The following PON2 variants were observed in gnomAD, a reference collection of about 807,000 sequenced individuals.
The protein encoded by PON2 is serum paraoxonase/arylesterase 2.
A neutral mutation model predicts 36.6 loss-of-function variants in PON2; 27 were observed. The ratio of observed to expected loss-of-function variants is 0.74; its 90% confidence interval spans 0.54 to 1.02. PON2 has a LOEUF of 1.02. PON2 is among the 50% of genes least tolerant of loss of function. The pLI is 0.00. For synonymous variants in PON2, 149 were observed against 156.3 expected (o/e 0.95, Z 0.35); for missense variants, 363 against 421.1 (o/e 0.86, Z 1.21).
chr7:95,405,392 C>G lies in PON2; in HGVS notation c.1003G>C (p.Val335Leu). Residue 335 changes from valine to leucine, a missense_variant, in exon 9 of 9, where the codon GTG becomes CTG. Physicochemically the swap from Val to Leu is conservative, Grantham distance 32. Transcript: ENST00000222572. ...SVLQGSSVASVYDGKLLIGTL... is the reference protein window; with the variant it reads ...SVLQGSSVASLYDGKLLIGTL... The stretch of plus-strand genomic sequence containing the variant: ...CCTATGAGCAGCTTCCCATCATACA[C>G]TGAGGCTACAGAACTTCCTTGGAGA... The G allele has an allele frequency of 6.2e-7, 1 of 1,613,984 alleles. No individual in the cohort carries two copies. Among genetic ancestry groups the G allele is most frequent in the South Asian group, 1.1e-5 (1 of 91,082 alleles).
chr7:95,434,971 C>G lies in PON2; in HGVS notation c.-20G>C, dbSNP rs560408024. On this transcript the variant is annotated 5_prime_UTR_variant, in exon 1 of 9. Coordinates refer to ENST00000222572, the MANE Select transcript of PON2 (RefSeq NM_000305.3). ...CCCCATGGCGCGGGAGCCGGGCGCG[C>G]TGCCTCGCTCCGGCCTGGCCAGCAG... 6.6e-7 allele frequency: 1 copy of G among 1,519,546 alleles called. No individual in the cohort carries two copies. The highest frequency in any genetic ancestry group is 2.6e-5 in the East Asian group (1 of 38,540). The allele number at this position is 1,519,546 out of a possible 1,614,324, so 94.1% of individuals were successfully genotyped here.
At chr7:95,423,992 G>A (rs540626536) in intron 2 of PON2, among the ~76,000 whole-genome samples, 1 of 152,278 alleles carries the variant, frequency 6.6e-6, no homozygotes, top group South Asian at 2.1e-4. Flanking sequence ...ATGATTCAAT[G>A]ACCTCTCACT....
intron 2 of PON2, among the ~76,000 whole-genome samples, chr7:95,420,561 T>A (rs2116486683): frequency 6.6e-6 from 1 of 152,318 alleles, no homozygotes; most frequent in South Asian, 2.1e-4. Context: ...ATAACTATGA[T>A]TTATTAAAGC....
chr7:95,408,788 T>C (rs528270908), intron 6 of PON2, among the ~76,000 whole-genome samples: 1 of 152,348 alleles, frequency 6.6e-6, no homozygotes, highest in East Asian at 1.9e-4. Context: ...TCTTCTCTTA[T>C]AGGTTGTGGT....
At chr7:95,421,811 G>T (rs753325816) in intron 2 of PON2, among the ~76,000 whole-genome samples, 13 of 152,074 alleles carry the variant, frequency 8.5e-5, no homozygotes, top group Non-Finnish European at 1.6e-4. Context: ...TGATTTAAAA[G>T]AAGAAAAAAA....
In PON2 at chr7:95,419,416, T is replaced by C. The variant is rs569063784; in HGVS notation, c.146-3119A>G. 9.8e-5 allele frequency among the ~76,000 whole-genome samples: 15 copies of C among 152,288 alleles called. No homozygotes were observed. In the South Asian group the frequency reaches 2.9e-3, roughly 29 times the overall value. On this transcript the variant is annotated intron_variant, in intron 2 of 8. Coordinates refer to ENST00000222572, the MANE Select transcript of PON2 (RefSeq NM_000305.3). ...CAGCATGAGCAAAAAAACACATGAA[T>C]GGCACAGCGTAGCATGACAAACCCT...
At chr7:95,430,125 A>G (rs1789403371) in intron 1 of PON2, among the ~76,000 whole-genome samples, 1 of 152,194 alleles carries the variant, frequency 6.6e-6, no homozygotes, top group Admixed American at 6.5e-5. Context: ...ATAAAAGTAA[A>G]AGAGCTTTCT....
chr7:95,406,149 C>G lies in PON2; in HGVS notation c.876G>C (p.Val292=). Residue 292 remains valine, a synonymous_variant, in exon 8 of 9, where the codon GTG becomes GTC. Transcript: ENST00000222572. ...ACGAGGGAGGATTGTTCGGGTCATA[C>G]ACGAAGAGCTTCTGGCCATTAGGAT... ...GCHPNGQKLF[V]YDPNNPPSSE... is the part of the protein sequence containing the mutation. 1 of 1,613,826 alleles carries G rather than the reference C, an allele frequency of 6.2e-7. No homozygotes were observed. The highest frequency in any genetic ancestry group is 8.5e-7 in the Non-Finnish European group (1 of 1,179,780).
In PON2 at chr7:95,427,519, T is replaced by A. The variant is rs374866249; in HGVS notation, c.75-2934A>T. Among the ~76,000 whole-genome samples, 61 of 152,312 alleles carry A rather than the reference T, an allele frequency of 4.0e-4. No individual in the cohort carries two copies. The Middle Eastern group carries it at 0.01, about 25-fold the overall frequency. On this transcript the variant is annotated intron_variant, in intron 1 of 8. Coordinates refer to ENST00000222572, the MANE Select transcript of PON2 (RefSeq NM_000305.3). ...AGCTGGCATCACTCAATCTCCTTTC[T>A]TCATGATTTGAACACACACGCAGTG... is the stretch of plus-strand genomic sequence containing the variant.
chr7:95,406,036 A>G, intron 8 of PON2, 83 bp downstream of exon 8: 2 of 1,477,066 alleles, frequency 1.4e-6, no homozygotes, highest in Non-Finnish European at 1.9e-6. Context: ...ATAACTAAAC[A>G]AATCATCCCT....
At chr7:95,432,655 C>G (rs1789470053) in intron 1 of PON2, among the ~76,000 whole-genome samples, 1 of 152,084 alleles carries the variant, frequency 6.6e-6, no homozygotes, top group African/African-American at 2.4e-5. Context: ...GGTGGTCTTG[C>G]CTTTGAAATG....
At chr7:95,410,224 G>A (rs1788888647) in intron 5 of PON2, 123 bp from the exon 6 acceptor site, 2 of 810,752 alleles carry the variant, frequency 2.5e-6, no homozygotes, top group Non-Finnish European at 4.1e-6. Flanking sequence ...GAAAAGACGA[G>A]CTAAAAATCA....
chr7:95,428,686 T>C (rs940734565), intron 1 of PON2, among the ~76,000 whole-genome samples: 3 of 152,252 alleles, frequency 2.0e-5, no homozygotes, highest in Admixed American at 1.3e-4. Context: ...AATAGCTTGG[T>C]AGCAGTATTT....
chr7:95,412,461 C>G lies in PON2; in HGVS notation c.218G>C (p.Gly73Ala), dbSNP rs372643457. The G allele has an allele frequency of 4.6e-5, 75 of 1,613,886 alleles. No homozygotes were observed. Among genetic ancestry groups the G allele is most frequent in the Middle Eastern group, 3.3e-4 (2 of 6,084 alleles). Residue 73 changes from glycine to alanine, a missense_variant, in exon 4 of 9, where the codon GGA becomes GCA. Transcript: ENST00000222572. ...AFFSVGLKFP[G>A]LHSFAPDKPG... ...CTTATCTGGTGCAAAGCTGTGGAGT[C>G]CTGGGAATTTTAGACCCTTTCCAAA...
chr7:95,413,554 T>C (rs1788989019), intron 3 of PON2, among the ~76,000 whole-genome samples: 1 of 152,250 alleles, frequency 6.6e-6, no homozygotes, highest in South Asian at 2.1e-4. Flanking sequence ...TAAATGCTTT[T>C]TGGTACTCAC....
chr7:95,409,789 T>C (rs1788876408), intron 6 of PON2, 112 bp downstream of exon 6: 2 of 723,686 alleles, frequency 2.8e-6, no homozygotes, highest in South Asian at 1.5e-5. Flanking sequence ...ATATGTATAA[T>C]ATACCATAAA....
chr7:95,424,251 G>T, intron 2 of PON2: 1 of 492,810 alleles, frequency 2.0e-6, no homozygotes, highest in South Asian at 2.2e-5. Flanking sequence ...AACAAAAATA[G>T]TTCAGAGAAG....
At chr7:95,425,962 C>T (rs984437727) in intron 1 of PON2, among the ~76,000 whole-genome samples, 1 of 151,906 alleles carries the variant, frequency 6.6e-6, no homozygotes, top group Non-Finnish European at 1.5e-5. Flanking sequence ...TCATGGCCTA[C>T]GTGTCACAGA....
chr7:95,426,515 A>G (rs1254400183), intron 1 of PON2, among the ~76,000 whole-genome samples: 1 of 152,230 alleles, frequency 6.6e-6, no homozygotes, highest in African/African-American at 2.4e-5. Flanking sequence ...CCCACGGCGC[A>G]ACTTAGCCAG....
Sources: allele counts gnomAD v4.1 joint callset (sites outside exome capture counted in the v4.1 genomes callset), GRCh38; gene constraint gnomAD v4.1.1; transcripts MANE v1.5; gene names NCBI Gene and HGNC (gene_info 2026-07-23, HGNC 2026-07-21).